The following NEDD9 variants were observed in gnomAD, a reference collection of about 807,000 sequenced individuals.
NEDD9 encodes the protein neural precursor cell expressed, developmentally down-regulated 9, also known as enhancer of filamentation 1.
NEDD9 carries 26 observed loss-of-function variants against 76.6 expected under a neutral mutation model. That is an observed-to-expected ratio of 0.34 (90% CI 0.25 to 0.47). The LOEUF (loss-of-function observed/expected upper bound fraction) is 0.47. Among genes scored for constraint, NEDD9 ranks in the 20% least tolerant of loss-of-function variants. NEDD9 has a pLI of 1.00. For missense variants in NEDD9, 937 were observed against 1,058.5 expected, an observed-to-expected ratio of 0.89 and a Z score of 1.59; for synonymous variants, 392 against 414.2, an observed-to-expected ratio of 0.95 and a Z score of 0.65.
chr6:11,185,108 T>G lies in NEDD9; in HGVS notation c.*54A>C. The G allele has an allele frequency of 6.5e-7, 1 of 1,529,082 alleles. No homozygotes were observed. The highest frequency in any genetic ancestry group is 8.8e-7 in the Non-Finnish European group (1 of 1,134,120). 94.7% of individuals were successfully genotyped at this position (1,529,082 alleles called of 1,614,324 possible). ...AACATTTACAAAAACCAGACAGTAT[T>G]TCCAGTTTTCCTTAGTAACCGTTAA... On this transcript the variant is annotated 3_prime_UTR_variant, in exon 7 of 7. Transcript: ENST00000379446.
Position 11,213,170 on chromosome 6 carries a change from T to C in NEDD9, c.459+111A>G. ...TGCCTGAGCTAAGGTATTGGTTATA[T>C]CTACTTCTTGGCAGCTTCAAGTTAT... is the stretch of plus-strand genomic sequence containing the variant. On this transcript the variant is annotated intron_variant, in intron 2 of 6. Transcript: ENST00000379446. The surrounding 1 kb of genome is among the most constrained non-coding windows in gnomAD (Gnocchi z 5.4). The C allele has an allele frequency of 9.9e-7, 1 of 1,009,318 alleles. No homozygotes were observed. The highest frequency in any genetic ancestry group is 1.4e-6 in the Non-Finnish European group (1 of 694,354). The allele number at this position is 1,009,318 out of a possible 1,614,324, so 62.5% of individuals were successfully genotyped here.
chr6:11,305,888 A>G, intron 3 of NEDD9: 1 of 1,378,504 alleles, frequency 7.3e-7, no homozygotes. Context: ...GCAGGCCCGT[A>G]TGACAAAAAA....
At chr6:11,260,742 T>C (rs1411481270) in intron 3 of NEDD9, among the ~76,000 whole-genome samples, 2 of 152,162 alleles carry the variant, frequency 1.3e-5, no homozygotes, top group Admixed American at 6.5e-5. Context: ...AAGAGGAAGA[T>C]GATATAAAAA....
chr6:11,196,307 A>G (rs1581948273), intron 2 of NEDD9, among the ~76,000 whole-genome samples: 1 of 152,204 alleles, frequency 6.6e-6, no homozygotes, highest in Non-Finnish European at 1.5e-5. Flanking sequence ...CTGTCTCAAA[A>G]CAAAACAAAA....
chr6:11,354,383 C>T (rs1044350864), intron 1 of NEDD9, among the ~76,000 whole-genome samples: 21 of 152,144 alleles, frequency 1.4e-4, no homozygotes, highest in African/African-American at 4.8e-4. Context: ...GGATGGAGTC[C>T]CATGGGTTCT....
chr6:11,296,967 G>A (rs909153014), intron 3 of NEDD9, among the ~76,000 whole-genome samples: 1 of 152,124 alleles, frequency 6.6e-6, no homozygotes, highest in Non-Finnish European at 1.5e-5. Context: ...GACCTCAGGC[G>A]GTCCACCCAC....
chr6:11,296,676 T>G (rs57961018), intron 3 of NEDD9, among the ~76,000 whole-genome samples: 1 of 103,446 alleles, frequency 9.7e-6, no homozygotes, highest in Non-Finnish European at 1.9e-5. Context: ...TTTCCTTTCC[T>G]TTCCCTTCCT....
intron 3 of NEDD9, among the ~76,000 whole-genome samples, chr6:11,285,056 GGT>G (rs759687431): frequency 5.7e-4 from 86 of 152,146 alleles, no homozygotes; most frequent in Non-Finnish European, 6.3e-4. Flanking sequence ...CTTCACAACC[GGT>G]GTTACGTTAA....
chr6:11,205,880 G>A (rs12190858), intron 2 of NEDD9, among the ~76,000 whole-genome samples: 30,933 of 151,984 alleles, frequency 0.2, 3,449 homozygotes, highest in African/African-American at 0.26. Context: ...TACCCACTTC[G>A]GCCTTCCAAA....
chr6:11,275,165 G>A (rs1013793061), intron 3 of NEDD9, among the ~76,000 whole-genome samples: 3 of 152,156 alleles, frequency 2.0e-5, no homozygotes, highest in East Asian at 1.9e-4. Context: ...AATACAACAC[G>A]ATCTCACTTA....
At chr6:11,362,149 C>T (rs1052865245) in intron 1 of NEDD9, among the ~76,000 whole-genome samples, 5 of 152,056 alleles carry the variant, frequency 3.3e-5, no homozygotes, top group African/African-American at 9.7e-5. Flanking sequence ...GGATGTAGTG[C>T]CGTTATGAAA....
chr6:11,275,987 A>C (rs760326298), intron 3 of NEDD9, among the ~76,000 whole-genome samples: 1 of 152,222 alleles, frequency 6.6e-6, no homozygotes, highest in Non-Finnish European at 1.5e-5. Flanking sequence ...GATAATCACT[A>C]CTTTAAAGTG....
intron 2 of NEDD9, among the ~76,000 whole-genome samples, chr6:11,318,871 A>T (rs1400470718): frequency 2.6e-5 from 4 of 152,216 alleles, no homozygotes; most frequent in Non-Finnish European, 4.4e-5. Flanking sequence ...CTGATAACCC[A>T]GTTTTTAGGA....
At chr6:11,310,429 G>A (rs1364297719) in intron 2 of NEDD9, among the ~76,000 whole-genome samples, 2 of 152,014 alleles carry the variant, frequency 1.3e-5, no homozygotes, top group African/African-American at 2.4e-5. Context: ...GCCCAGCTTT[G>A]GATGAACTCA....
At chr6:11,327,450 C>T (rs960839716) in intron 2 of NEDD9, among the ~76,000 whole-genome samples, 1 of 152,202 alleles carries the variant, frequency 6.6e-6, no homozygotes, top group Non-Finnish European at 1.5e-5. Context: ...ATTTAAAGTA[C>T]ATCGAACAGT....
At chr6:11,260,189 G>T (rs1458325925) in intron 3 of NEDD9, among the ~76,000 whole-genome samples, 19 of 152,028 alleles carry the variant, frequency 1.2e-4, no homozygotes, top group Admixed American at 1.2e-3. Flanking sequence ...TATAAAAAAG[G>T]GTTCAAAAAT....
chr6:11,373,909 G>T (rs1022610418), intron 1 of NEDD9, among the ~76,000 whole-genome samples: 29 of 152,208 alleles, frequency 1.9e-4, no homozygotes, highest in African/African-American at 6.5e-4. Context: ...AGAGCAAGAA[G>T]GAATTCAGCT....
chr6:11,324,995 C>A (rs1761890381), intron 2 of NEDD9, among the ~76,000 whole-genome samples: 1 of 152,186 alleles, frequency 6.6e-6, no homozygotes, highest in South Asian at 2.1e-4. Flanking sequence ...GATAAGGCAA[C>A]CCATAGGCCT....
rs570784889 is a variant in NEDD9 at position 11,277,441 on chromosome 6, A to T, written c.12+28551T>A. 6.6e-4 allele frequency among the ~76,000 whole-genome samples: 101 copies of T among 152,308 alleles called. No individual in the cohort carries two copies. In the Middle Eastern group the frequency reaches 0.041, roughly 62 times the overall value. ...GTGGTGGAGGAAGAAATTCCAAAGC[A>T]TGTTACAAATGGGGCTCAGGAATGT... On this transcript the variant is annotated intron_variant, in intron 3 of 3. Transcript: ENST00000397378.
Sources: allele counts gnomAD v4.1 joint callset (sites outside exome capture counted in the v4.1 genomes callset), GRCh38; gene constraint gnomAD v4.1.1; non-coding constraint Gnocchi (gnomAD v3.1); transcripts MANE v1.5; gene names NCBI Gene and HGNC (gene_info 2026-07-23, HGNC 2026-07-21).